The following ABCA3 variants were observed in gnomAD, a reference collection of about 807,000 sequenced individuals.
ABCA3 encodes the protein ATP binding cassette subfamily A member 3.
Under a neutral mutation model 172.8 loss-of-function variants are expected in ABCA3, and 88 were observed. The observed-to-expected ratio is 0.51, with a 90% CI of 0.43 to 0.61. The LOEUF is 0.61. Ranked by LOEUF, ABCA3 falls within the 20% of genes least tolerant of loss-of-function variation. The probability of loss-of-function intolerance (pLI) is 0.00; values close to 1 mark genes in which losing one functional copy is unlikely to be tolerated. For synonymous variants in ABCA3, 1,066 were observed against 983.8 expected (o/e 1.08, Z -1.56); for missense variants, 2,164 against 2,301.0 (o/e 0.94, Z 1.22).
intron 28 of ABCA3, 55 bp downstream of exon 28, chr16:2,280,972 G>A (rs1286474685): frequency 2.5e-6 from 4 of 1,608,736 alleles, no homozygotes; most frequent in East Asian, 2.2e-5. Context: ...CCTCCAGGGT[G>A]CCCCCTCCAG....
intron 15 of ABCA3, 100 bp downstream of exon 15, chr16:2,298,271 CCCTGGCTCCTGCCCT>C (rs2093683325): frequency 6.6e-7 from 1 of 1,518,086 alleles, no homozygotes; most frequent in East Asian, 2.3e-5. Context: ...GGACTCAGAA[CCCTGGCTCCTGCCCT>C]CCTGGCTCCC....
rs557544727 is a variant in ABCA3 at position 2,289,122 on chromosome 16, G to T, written c.2700+312C>A. 8 of 397,608 alleles carry T rather than the reference G, an allele frequency of 2.0e-5. No homozygotes were observed. The South Asian group carries it at 2.3e-4, about 12-fold the overall frequency. The allele number at this position is 397,608 out of a possible 1,614,324, so 24.6% of individuals were successfully genotyped here. A position where few individuals can be genotyped will look rare whatever the true frequency, so the allele number is the denominator to read the frequency against. ...GGCCTCGGTTTCCCATCTGTGAACCGAGTGCATCAACCAACCTCCGTGTCG... is the reference window on the plus strand; with the variant it reads ...GGCCTCGGTTTCCCATCTGTGAACCTAGTGCATCAACCAACCTCCGTGTCG... On this transcript the variant is annotated intron_variant, in intron 20 of 32. Coordinates refer to ENST00000301732, the MANE Select transcript of ABCA3 (RefSeq NM_001089.3).
intron 6 of ABCA3, among the ~76,000 whole-genome samples, chr16:2,324,170 A>G (rs1046094845): frequency 3.3e-5 from 5 of 152,226 alleles, no homozygotes; most frequent in Non-Finnish European, 7.3e-5. Flanking sequence ...TGGGGCGGCC[A>G]CAGGCAGGTG....
In ABCA3 at chr16:2,285,689, T is replaced by A. The variant is rs2093662017; in HGVS notation, c.3279-43A>T. 3 of 1,546,014 alleles carry A rather than the reference T, an allele frequency of 1.9e-6. No homozygotes were observed. The East Asian group carries it at 7.3e-5, about 38-fold the overall frequency. On this transcript the variant is annotated intron_variant, in intron 22 of 32. Coordinates refer to ENST00000301732, the MANE Select transcript of ABCA3 (RefSeq NM_001089.3). The surrounding 1 kb of genome is among the most constrained non-coding windows in gnomAD (Gnocchi z 4.7). ...GGTCAGGGACGGAGCACAGCACGTC[T>A]GGGTGGCAGGAGAGGTCGGGTTCTC... is the stretch of plus-strand genomic sequence containing the variant.
rs2093695672 is a variant in ABCA3 at position 2,305,179 on chromosome 16, GC to G, written c.1286-1030del. Among the ~76,000 whole-genome samples, 3 of 152,094 alleles carry G rather than the reference GC, an allele frequency of 2.0e-5. 1 individual carries two copies. The South Asian group carries it at 6.2e-4, about 32-fold the overall frequency. ...GATAGAGTCTTGCTCTGTCACCCAGGCTGGAGTGCAGTGGTGCAATCTTGGC... is the reference window on the plus strand; with the variant it reads ...GATAGAGTCTTGCTCTGTCACCCAGGTGGAGTGCAGTGGTGCAATCTTGGC... On this transcript the variant is annotated intron_variant, in intron 11 of 32. Coordinates refer to ENST00000301732, the MANE Select transcript of ABCA3 (RefSeq NM_001089.3).
At chr16:2,323,429 C>A (rs1262556378) in intron 7 of ABCA3, 94 bp downstream of exon 7, 2 of 1,505,042 alleles carry the variant, frequency 1.3e-6, no homozygotes, top group African/African-American at 2.8e-5. Flanking sequence ...AGTATTTCTT[C>A]AAGAAATACT....
intron 19 of ABCA3, among the ~76,000 whole-genome samples, chr16:2,291,030 C>T (rs1172322396): frequency 2.0e-5 from 3 of 152,042 alleles, no homozygotes; most frequent in African/African-American, 2.4e-5. Flanking sequence ...CCACCATGCC[C>T]GGCTAATTTT....
chr16:2,325,936 G>T (rs2093733492), intron 5 of ABCA3, 74 bp downstream of exon 5: 3 of 1,600,164 alleles, frequency 1.9e-6, no homozygotes, highest in Admixed American at 3.3e-5. Context: ...CGCACATCCT[G>T]GGCTCGACCC....
chr16:2,299,451 G>A lies in ABCA3; in HGVS notation c.1693C>T (p.Leu565=), dbSNP rs1399657382. 3 of 1,613,786 alleles carry A rather than the reference G, an allele frequency of 1.9e-6. No homozygotes were observed. The highest frequency in any genetic ancestry group is 2.2e-5 in the East Asian group (1 of 44,882). The change falls in exon 14 of 33, where the codon CTG becomes TTG. Residue 565 remains leucine, a synonymous_variant. Coordinates refer to ENST00000301732, the MANE Select transcript of ABCA3 (RefSeq NM_001089.3). ...NLYEGQITVL[L]GHNGAGKTTT... ...GTCTTCCCGGCACCGTTGTGGCCCAGCAGGACGGTGATCTGTCCCTCGTAC... is the reference window on the plus strand; with the variant it reads ...GTCTTCCCGGCACCGTTGTGGCCCAACAGGACGGTGATCTGTCCCTCGTAC...
chr16:2,289,552 T>C lies in ABCA3; in HGVS notation c.2582A>G (p.His861Arg). 6.4e-7 allele frequency: 1 copy of C among 1,565,432 alleles called. No individual in the cohort carries two copies. Among genetic ancestry groups the C allele is most frequent in the South Asian group, 1.2e-5 (1 of 85,106 alleles). The change falls in exon 20 of 33, where the codon CAC becomes CGC. Residue 861 changes from histidine to arginine, a missense_variant. His to Arg is a conservative substitution (Grantham distance 29, BLOSUM62 0). Transcript: ENST00000301732. ...AGCCCAGTCGCTGGCGCGCCTCTCGTGCTGGTACTGCAGGGCAGGGAGCTG... is the reference window on the plus strand; with the variant it reads ...AGCCCAGTCGCTGGCGCGCCTCTCGCGCTGGTACTGCAGGGCAGGGAGCTG... Reference protein sequence around the residue: ...AIQLPALQYQHERRASDWAVD... With the variant: ...AIQLPALQYQRERRASDWAVD...
intron 10 of ABCA3, among the ~76,000 whole-genome samples, chr16:2,316,491 A>C (rs1400321670): frequency 1.4e-4 from 4 of 29,064 alleles, no homozygotes; most frequent in Non-Finnish European, 2.0e-4. Flanking sequence ...CTAAAAATGC[A>C]AAAAAAAAAA....
rs922890319 is a variant in ABCA3 at position 2,276,178 on chromosome 16, G to C, written c.*496C>G. On this transcript the variant is annotated 3_prime_UTR_variant, in exon 33 of 33. Transcript: ENST00000301732. ...GCTAAGACCCCAGCACCTAATCACA[G>C]TCAGCAGCTTCCCTCCACTGACAGT... The C allele has an allele frequency of 5.2e-6, 2 of 385,440 alleles. No individual in the cohort carries two copies. The highest frequency in any genetic ancestry group is 5.9e-5 in the Admixed American group (2 of 33,696). The allele number at this position is 385,440 out of a possible 1,614,324, so 23.9% of individuals were successfully genotyped here. A position where few individuals can be genotyped will look rare whatever the true frequency, so the allele number is the denominator to read the frequency against.
chr16:2,332,546 C>T, intron 1 of ABCA3: 1 of 1,080,328 alleles, frequency 9.3e-7, no homozygotes, highest in Non-Finnish European at 1.4e-6. Flanking sequence ...TCCACACGGA[C>T]ACGAATGTCC....
Position 2,328,461 on chromosome 16 carries a change from G to T in ABCA3, c.-35C>A. The T allele has an allele frequency of 2.0e-6, 1 of 506,056 alleles. No homozygotes were observed. The highest frequency in any genetic ancestry group is 3.9e-6 in the Non-Finnish European group (1 of 253,876). The allele number at this position is 506,056 out of a possible 1,614,324, so 31.3% of individuals were successfully genotyped here. On this transcript the variant is annotated 5_prime_UTR_variant, in exon 3 of 33. Coordinates refer to ENST00000301732, the MANE Select transcript of ABCA3 (RefSeq NM_001089.3). The stretch of plus-strand genomic sequence containing the variant: ...GTTCATGAGCTGCTAACCTGCTAGA[G>T]AAGTAGGTGGTCTGAGTAAGTTCAA...
At position 2,297,405 on chromosome 16, in the gene ABCA3, C is replaced by T. The variant is rs746191316; in HGVS notation, c.2187G>A (p.Leu729=). ...TGGCCATGATGGCGATGCGGTCTCCCAGCAGGTCAGCCTCGTCCATGAAGT... is the reference window on the plus strand; with the variant it reads ...TGGCCATGATGGCGATGCGGTCTCCTAGCAGGTCAGCCTCGTCCATGAAGT... ...TTHFMDEADL[L]GDRIAIMAKG... Residue 729 remains leucine (L), a synonymous_variant, in exon 17 of 33, where the codon CTG becomes CTA. Coordinates refer to ENST00000301732, the MANE Select transcript of ABCA3 (RefSeq NM_001089.3). The surrounding 1 kb of genome is among the most constrained non-coding windows in gnomAD (Gnocchi z 5.6). 18 of 1,613,646 alleles carry T rather than the reference C, an allele frequency of 1.1e-5. No individual in the cohort carries two copies. Among genetic ancestry groups the T allele is most frequent in the Non-Finnish European group, 1.4e-5 (17 of 1,180,008 alleles).
chr16:2,334,588 T>A (rs933354035), intron 1 of ABCA3, among the ~76,000 whole-genome samples: 1 of 150,938 alleles, frequency 6.6e-6, no homozygotes, highest in African/African-American at 2.4e-5. Context: ...CTTGGCTCAA[T>A]GCAACCTCCG....
rs574041782 is a variant in ABCA3, at chr16:2,316,188, G to A, written c.1111+1095C>T. On this transcript the variant is annotated intron_variant, in intron 10 of 32. Transcript: ENST00000301732. Reference sequence around the variant, plus strand: ...CTAGGTGTGGTGGCAGGTAACGGTGGTGTGAGCTACTCAGAAGGCTGAGGC... The same window carrying A: ...CTAGGTGTGGTGGCAGGTAACGGTGATGTGAGCTACTCAGAAGGCTGAGGC... Among the ~76,000 whole-genome samples, 393 of 147,340 alleles carry A rather than the reference G, an allele frequency of 2.7e-3. 1 individual carries two copies. The highest frequency in any genetic ancestry group is 4.7e-3 in the Non-Finnish European group (312 of 66,850).
chr16:2,320,440 A>G (rs1457708667), intron 7 of ABCA3, among the ~76,000 whole-genome samples: 1 of 147,598 alleles, frequency 6.8e-6, no homozygotes, highest in East Asian at 2.0e-4. Flanking sequence ...CTCAGGCTGG[A>G]GTGCAGTGGC....
chr16:2,317,718 G>A lies in ABCA3; in HGVS notation c.920C>T (p.Ala307Val). The A allele has an allele frequency of 6.2e-7, 1 of 1,614,242 alleles. No individual in the cohort carries two copies. The highest frequency in any genetic ancestry group is 8.5e-7 in the Non-Finnish European group (1 of 1,180,036). Residue 307 changes from alanine (A) to valine (V), a missense_variant, in exon 9 of 33, where the codon GCC becomes GTC. Physicochemically the swap from Ala to Val is moderately conservative, Grantham distance 64. Around this residue, in one of 3 missense-constraint regions of ABCA3, gnomAD observed 1,343 missense variants for 1,369.6 expected, o/e 0.98. Coordinates refer to ENST00000301732, the MANE Select transcript of ABCA3 (RefSeq NM_001089.3). ...MGLSSWLHWS[A>V]WFLLFFLFLL... Reference sequence around the variant, plus strand: ...GAAGAGGAAGAACAAGAGGAACCAGGCACTCCAGTGCAGCCAGCTGCTGAG... The same window carrying A: ...GAAGAGGAAGAACAAGAGGAACCAGACACTCCAGTGCAGCCAGCTGCTGAG...
Sources: allele counts gnomAD v4.1 joint callset (sites outside exome capture counted in the v4.1 genomes callset), GRCh38; gene constraint gnomAD v4.1.1; regional missense constraint gnomAD v4.1.1; non-coding constraint Gnocchi (gnomAD v3.1); transcripts MANE v1.5; gene names NCBI Gene and HGNC (gene_info 2026-07-23, HGNC 2026-07-21).